Variants in MAGEC3 observed in about 807,000 individuals in gnomAD.
MAGEC3 encodes the protein MAGE family member C3, also known as melanoma-associated antigen C3.
A neutral mutation model predicts 35.3 loss-of-function variants in MAGEC3; 34 were observed. The observed-to-expected ratio is 0.96, with a 90% CI of 0.73 to 1.28. The LOEUF (loss-of-function observed/expected upper bound fraction) is 1.28. MAGEC3 is among the 50% of genes most tolerant of loss of function. The probability of loss-of-function intolerance (pLI) is 0.00; values close to 1 mark genes in which losing one functional copy is unlikely to be tolerated. For missense variants in MAGEC3, 561 were observed against 483.6 expected (o/e 1.16, Z -1.50); for synonymous variants, 202 against 185.6 (o/e 1.09, Z -0.72).
At chrX:141,885,358 A>C (rs2017994375) in intron 4 of MAGEC3, among the ~76,000 whole-genome samples, 1 of 110,321 alleles carries the variant, frequency 9.1e-6, no homozygotes, top group African/African-American at 3.3e-5. Context: ...TTAATGTTGC[A>C]GCTTGGGGAG....
At chrX:141,878,957 G>C (rs1350182944) in intron 2 of MAGEC3, among the ~76,000 whole-genome samples, 1 of 112,214 alleles carries the variant, frequency 8.9e-6, no homozygotes, top group Non-Finnish European at 1.9e-5. Context: ...CTTGGGCCTG[G>C]GAGGCCCCAC....
rs1180569197 is a variant in MAGEC3, at chrX:141,865,559, C to A, written c.212C>A (p.Ser71Ter). Residue 71 changes from serine to a stop codon, truncating the protein, a stop_gained, in exon 2 of 8, where the codon TCA becomes TAA. Coordinates refer to ENST00000298296, the MANE Select transcript of MAGEC3 (RefSeq NM_138702.1). LOFTEE classifies it high-confidence loss of function. ...EVRLFLRGGT[S>*]DQRMDSLVLC... ...AGGCTTTTTCTGAGGGGTGGAACTT[C>A]AGATCAGCGAATGGATAGTCTTGTC... 10 of 1,208,400 alleles carry A rather than the reference C, an allele frequency of 8.3e-6. No individual in the cohort carries two copies. Among genetic ancestry groups the A allele is most frequent in the Non-Finnish European group, 1.1e-5 (10 of 894,580 alleles).
Position 141,839,413 on chromosome X carries a change from T to C in MAGEC3, c.123+975T>C, listed in dbSNP as rs749663581. 3 of 726,172 alleles carry C rather than the reference T, an allele frequency of 4.1e-6. No individual in the cohort carries two copies. The African/African-American group carries it at 7.0e-5, about 17-fold the overall frequency. The allele number at this position is 726,172 out of a possible 1,213,427, so 59.8% of individuals were successfully genotyped here. A position where few individuals can be genotyped will look rare whatever the true frequency, so the allele number is the denominator to read the frequency against. Reference sequence around the variant, plus strand: ...TATGTAATTATAATGATTATGGGCATAAGAAGGATTATGGAGAAGAACGGA... The same window carrying C: ...TATGTAATTATAATGATTATGGGCACAAGAAGGATTATGGAGAAGAACGGA... On this transcript the variant is annotated intron_variant, in intron 1 of 7. Coordinates refer to ENST00000298296, the MANE Select transcript of MAGEC3 (RefSeq NM_138702.1).
chrX:141,863,098 A>G (rs894815973), intron 1 of MAGEC3, among the ~76,000 whole-genome samples: 1 of 112,156 alleles, frequency 8.9e-6, no homozygotes, highest in African/African-American at 3.2e-5. Context: ...AAACTTAAAA[A>G]TGATTCTTAA....
chrX:141,873,097 C>A (rs1419228704), intron 2 of MAGEC3, among the ~76,000 whole-genome samples: 3 of 111,747 alleles, frequency 2.7e-5, no homozygotes, highest in Non-Finnish European at 3.8e-5. Context: ...GAAAACAAAC[C>A]TGAGAGGAGC....
intron 1 of MAGEC3, among the ~76,000 whole-genome samples, chrX:141,848,697 A>G (rs1007966945): frequency 9.0e-6 from 1 of 111,392 alleles, no homozygotes; most frequent in Non-Finnish European, 1.9e-5. Flanking sequence ...AGATGGTCAT[A>G]CTGCCCAAAG....
At chrX:141,850,395 G>C (rs2017743863) in intron 1 of MAGEC3, among the ~76,000 whole-genome samples, 1 of 111,245 alleles carries the variant, frequency 9.0e-6, no homozygotes, top group African/African-American at 3.3e-5. Flanking sequence ...TTTAAAAAAA[G>C]GTTCACTTGA....
chrX:141,857,044 C>G (rs1049465042), intron 1 of MAGEC3, among the ~76,000 whole-genome samples: 1 of 111,445 alleles, frequency 9.0e-6, no homozygotes. Context: ...AAAATTCATG[C>G]TGTAGAGGCA....
intron 1 of MAGEC3, among the ~76,000 whole-genome samples, chrX:141,854,011 C>A (rs764276309): frequency 9.0e-6 from 1 of 111,069 alleles, no homozygotes; most frequent in Admixed American, 9.6e-5. Context: ...TGATAGTGGA[C>A]TTGAATCTAG....
chrX:141,870,854 T>C (rs2017883135), intron 2 of MAGEC3, among the ~76,000 whole-genome samples: 1 of 112,128 alleles, frequency 8.9e-6, no homozygotes, highest in African/African-American at 3.2e-5. Context: ...CACAGGCAAG[T>C]TGACAGTTTT....
chrX:141,888,796 C>A (rs1053033092), intron 4 of MAGEC3, among the ~76,000 whole-genome samples: 1 of 112,104 alleles, frequency 8.9e-6, no homozygotes, highest in Non-Finnish European at 1.9e-5. Flanking sequence ...TTGCCAGCAG[C>A]AGAGACCAAC....
intron 1 of MAGEC3, among the ~76,000 whole-genome samples, chrX:141,854,585 G>A (rs1271420193): frequency 9.0e-6 from 1 of 111,013 alleles, no homozygotes; most frequent in Non-Finnish European, 1.9e-5. Context: ...CGTCTTCCTC[G>A]TTCTCCCTTT....
rs192889619 is a variant in MAGEC3 at position 141,894,894 on chromosome X, G to A, written c.910-375G>A. ...TGGGGAGGTAGGCAAGAAGGGGTGG[G>A]AGGGGGCAGGTTGGTAGGCCCGAAG... On this transcript the variant is annotated intron_variant, in intron 4 of 7. Transcript: ENST00000298296. 3,416 of 718,171 alleles carry A rather than the reference G, an allele frequency of 4.8e-3. 139 individuals are homozygous for A. In the African/African-American group the frequency reaches 0.076, roughly 16 times the overall value. The allele number at this position is 718,171 out of a possible 1,213,427, so 59.2% of individuals were successfully genotyped here. A position where few individuals can be genotyped will look rare whatever the true frequency, so the allele number is the denominator to read the frequency against.
At chrX:141,841,418 A>AGT (rs2017685057) in intron 1 of MAGEC3, among the ~76,000 whole-genome samples, 1 of 111,879 alleles carries the variant, frequency 8.9e-6, no homozygotes, top group Non-Finnish European at 1.9e-5. Flanking sequence ...GTTATTATAC[A>AGT]TATTACCTGG....
In MAGEC3 at chrX:141,888,661, A is replaced by T. The variant is rs989739174; in HGVS notation, c.910-6608A>T. ...GCCTCTTTCCCCAGCCATCCCTGTCATCTTCCAATAGGCCCATGAACAAAG... is the reference window on the plus strand; with the variant it reads ...GCCTCTTTCCCCAGCCATCCCTGTCTTCTTCCAATAGGCCCATGAACAAAG... On this transcript the variant is annotated intron_variant, in intron 4 of 7. Coordinates refer to ENST00000298296, the MANE Select transcript of MAGEC3 (RefSeq NM_138702.1). Among the ~76,000 whole-genome samples the T allele has an allele frequency of 7.2e-5, 8 of 111,848 alleles. No homozygotes were observed. In the Admixed American group the frequency reaches 7.5e-4, roughly 11 times the overall value.
intron 2 of MAGEC3, among the ~76,000 whole-genome samples, chrX:141,867,449 AAC>A (rs1304617332): frequency 2.7e-5 from 3 of 111,506 alleles, no homozygotes; most frequent in South Asian, 3.8e-4. Flanking sequence ...ACAACAAAGA[AAC>A]ACAGAGGCAG....
chrX:141,846,673 T>G (rs111470140), intron 1 of MAGEC3, among the ~76,000 whole-genome samples: 1 of 111,311 alleles, frequency 9.0e-6, no homozygotes, highest in Non-Finnish European at 1.9e-5. Context: ...AATTCTACTC[T>G]GGTTCAACAA....
chrX:141,847,153 C>A (rs180766360), intron 1 of MAGEC3, among the ~76,000 whole-genome samples: 1 of 110,954 alleles, frequency 9.0e-6, no homozygotes, highest in Non-Finnish European at 1.9e-5. Context: ...GAATTCTGTA[C>A]TCTAGTGATT....
At chrX:141,850,796 A>G (rs1258679748) in intron 1 of MAGEC3, among the ~76,000 whole-genome samples, 2 of 111,630 alleles carry the variant, frequency 1.8e-5, no homozygotes, top group South Asian at 3.7e-4. Flanking sequence ...TAAAAAGATT[A>G]TAAGAGAATA....
Sources: allele counts gnomAD v4.1 joint callset (sites outside exome capture counted in the v4.1 genomes callset), GRCh38; gene constraint gnomAD v4.1.1; transcripts MANE v1.5; gene names NCBI Gene and HGNC (gene_info 2026-07-23, HGNC 2026-07-21).